MALRD1: variants seen among roughly 807,000 people sequenced by gnomAD.
MALRD1 encodes the protein MAM and LDL receptor class A domain containing 1.
Under a neutral mutation model 242.1 loss-of-function variants are expected in MALRD1, and 247 were observed. The ratio of observed to expected loss-of-function variants is 1.02; its 90% CI spans 0.92 to 1.13. The LOEUF is 1.13. Ranked by LOEUF, MALRD1 falls within the 50% of genes most tolerant of loss-of-function variation. The probability of loss-of-function intolerance (pLI) is 0.00; values close to 1 mark genes in which losing one functional copy is unlikely to be tolerated. For synonymous variants in MALRD1, 995 were observed against 866.6 expected (o/e 1.15, Z -2.60); for missense variants, 2,989 against 2,533.1 (o/e 1.18, Z -3.86).
At chr10:19,367,899 G>T (rs78520978) in intron 26 of MALRD1, among the ~76,000 whole-genome samples, 1 of 151,830 alleles carries the variant, frequency 6.6e-6, no homozygotes, top group African/African-American at 2.4e-5. Context: ...GGCCATTTCT[G>T]TGTGTTTTGA....
At chr10:19,349,293 C>T (rs61850918) in intron 25 of MALRD1, among the ~76,000 whole-genome samples, 2 of 152,172 alleles carry the variant, frequency 1.3e-5, no homozygotes, top group Non-Finnish European at 2.9e-5. Flanking sequence ...GTGTCCACAA[C>T]TGACAGAGCC....
intron 19 of MALRD1, among the ~76,000 whole-genome samples, chr10:19,265,198 A>G (rs979060851): frequency 2.0e-5 from 3 of 150,318 alleles, no homozygotes; most frequent in Non-Finnish European, 4.4e-5. Context: ...TGATCTTTTT[A>G]TTTTTTTCTT....
chr10:19,549,740 A>G (rs768035038), intron 32 of MALRD1, among the ~76,000 whole-genome samples: 2 of 152,186 alleles, frequency 1.3e-5, no homozygotes, highest in Non-Finnish European at 2.9e-5. Flanking sequence ...AACCTGCAAT[A>G]TCTTTGAGCT....
At chr10:19,356,862 A>T (rs762996393) in intron 26 of MALRD1, among the ~76,000 whole-genome samples, 1 of 152,118 alleles carries the variant, frequency 6.6e-6, no homozygotes, top group African/African-American at 2.4e-5. Flanking sequence ...TAATCCCAGC[A>T]CTTTGGGAGC....
intron 36 of MALRD1, among the ~76,000 whole-genome samples, chr10:19,684,498 G>A (rs1842494271): frequency 6.6e-6 from 1 of 152,196 alleles, no homozygotes; most frequent in Admixed American, 6.5e-5. Flanking sequence ...GCTCATGCCT[G>A]TAATTCCAGC....
At chr10:19,174,029 G>T (rs1443173204) in intron 13 of MALRD1, among the ~76,000 whole-genome samples, 1 of 152,148 alleles carries the variant, frequency 6.6e-6, no homozygotes, top group Non-Finnish European at 1.5e-5. Context: ...AAAAACAAAG[G>T]CCTGAAGACC....
chr10:19,730,855 G>C, intron 39 of MALRD1, 74 bp downstream of exon 39: 1 of 1,270,484 alleles, frequency 7.9e-7, no homozygotes, highest in Non-Finnish European at 1.1e-6. Flanking sequence ...CACACAGGCT[G>C]AACCAGTGTT....
At position 19,570,341 on chromosome 10, in the gene MALRD1, G is replaced by A. The variant is rs138950253; in HGVS notation, c.5680+2638G>A. On this transcript the variant is annotated intron_variant, in intron 33 of 39. Coordinates refer to ENST00000454679, the MANE Select transcript of MALRD1 (RefSeq NM_001142308.3). ...AATGTCTTAGGGATTATGCAATACCGTGAAATAAATCTGATGTAATTCATT... is the reference window on the plus strand; with the variant it reads ...AATGTCTTAGGGATTATGCAATACCATGAAATAAATCTGATGTAATTCATT... Among the ~76,000 whole-genome samples the A allele has an allele frequency of 7.6e-4, 116 of 152,118 alleles. 1 individual carries two copies. The highest frequency in any genetic ancestry group is 3.3e-3 in the East Asian group (17 of 5,182).
intron 28 of MALRD1, among the ~76,000 whole-genome samples, chr10:19,401,157 G>T (rs1258376493): frequency 6.6e-6 from 1 of 152,082 alleles, no homozygotes; most frequent in Non-Finnish European, 1.5e-5. Context: ...TTAAGGATAT[G>T]ATATTAATGA....
At chr10:19,196,470 G>A (rs759072142) in intron 14 of MALRD1, among the ~76,000 whole-genome samples, 2 of 151,286 alleles carry the variant, frequency 1.3e-5, no homozygotes, top group Non-Finnish European at 2.9e-5. Flanking sequence ...GACACAGATG[G>A]TATCACCCTC....
At chr10:19,395,094 G>T (rs1846519853) in intron 28 of MALRD1, among the ~76,000 whole-genome samples, 1 of 152,200 alleles carries the variant, frequency 6.6e-6, no homozygotes, top group African/African-American at 2.4e-5. Flanking sequence ...TATCTTAGCA[G>T]TGTAATCTGC....
intron 36 of MALRD1, among the ~76,000 whole-genome samples, chr10:19,644,919 T>C (rs1051222704): frequency 2.0e-5 from 3 of 152,192 alleles, no homozygotes; most frequent in African/African-American, 7.2e-5. Context: ...TTCATAAATC[T>C]ATTGTCCATG....
chr10:19,268,610 G>A (rs771371413), intron 19 of MALRD1, among the ~76,000 whole-genome samples: 21 of 152,236 alleles, frequency 1.4e-4, no homozygotes, highest in Non-Finnish European at 2.6e-4. Context: ...GCTACAGGTA[G>A]ATATAAAGTA....
chr10:19,061,081 A>G (rs1051219727), intron 1 of MALRD1, among the ~76,000 whole-genome samples: 3 of 152,164 alleles, frequency 2.0e-5, no homozygotes, highest in Non-Finnish European at 4.4e-5. Context: ...GATCACATGG[A>G]TACAGGGAGG....
At chr10:19,160,620 A>T (rs543952429) in intron 12 of MALRD1, among the ~76,000 whole-genome samples, 1 of 24,562 alleles carries the variant, frequency 4.1e-5, no homozygotes, top group East Asian at 6.8e-4. Context: ...TAAACTATTG[A>T]TTATTGCCAC....
At chr10:19,203,254 A>G (rs76334053) in intron 14 of MALRD1, among the ~76,000 whole-genome samples, 7,967 of 152,282 alleles carry the variant, frequency 0.052, 286 homozygotes, top group Non-Finnish European at 0.078. Flanking sequence ...ATTAAGCTCT[A>G]TGAAAATCTG....
intron 18 of MALRD1, among the ~76,000 whole-genome samples, chr10:19,240,733 A>G (rs1166850834): frequency 6.6e-6 from 1 of 152,050 alleles, no homozygotes; most frequent in Non-Finnish European, 1.5e-5. Flanking sequence ...GCATTGAGGT[A>G]CACTCCTATA....
chr10:19,510,292 C>G (rs536326646), intron 31 of MALRD1, among the ~76,000 whole-genome samples: 1 of 152,270 alleles, frequency 6.6e-6, no homozygotes, highest in South Asian at 2.1e-4. Flanking sequence ...CCTCTTACCT[C>G]AACTGCAAAG....
chr10:19,463,001 A>G (rs1311951247), intron 29 of MALRD1, among the ~76,000 whole-genome samples: 1 of 152,196 alleles, frequency 6.6e-6, no homozygotes, highest in African/African-American at 2.4e-5. Flanking sequence ...TGAATTAACC[A>G]AAATTTAGTT....
Sources: allele counts gnomAD v4.1 joint callset (sites outside exome capture counted in the v4.1 genomes callset), GRCh38; gene constraint gnomAD v4.1.1; transcripts MANE v1.5; gene names NCBI Gene and HGNC (gene_info 2026-07-23, HGNC 2026-07-21).